The following KAZN variants were observed in gnomAD, a reference collection of about 807,000 sequenced individuals.
The protein encoded by KAZN is kazrin.
Under a neutral mutation model 87.4 loss-of-function variants are expected in KAZN, and 40 were observed. That is an observed-to-expected ratio of 0.46 (90% CI 0.36 to 0.60). The LOEUF is 0.60. KAZN is among the 20% of genes least tolerant of loss of function. KAZN has a pLI of 0.00. For missense variants in KAZN, 898 were observed against 1,073.9 expected, an observed-to-expected ratio of 0.84 and a Z score of 2.29; for synonymous variants, 466 against 458.3, an observed-to-expected ratio of 1.02 and a Z score of -0.22.
At chr1:14,862,703 T>G (rs1651008064) in intron 1 of KAZN, among the ~76,000 whole-genome samples, 1 of 152,192 alleles carries the variant, frequency 6.6e-6, no homozygotes, top group Admixed American at 6.5e-5. Context: ...CCAGCACTGA[T>G]AGTCATAGGA....
intron 1 of KAZN, among the ~76,000 whole-genome samples, chr1:13,962,454 C>T (rs1641789224): frequency 6.6e-6 from 1 of 152,182 alleles, no homozygotes; most frequent in Admixed American, 6.5e-5. Context: ...GGTGCCCTGA[C>T]ACCATGTGGG....
intron 1 of KAZN, among the ~76,000 whole-genome samples, chr1:14,670,804 C>T (rs967532804): frequency 1.3e-5 from 2 of 152,178 alleles, no homozygotes; most frequent in Non-Finnish European, 2.9e-5. Flanking sequence ...TCAGGTGACC[C>T]CTGTGCAGCT....
intron 1 of KAZN, among the ~76,000 whole-genome samples, chr1:14,047,860 T>A (rs1642142440): frequency 7.3e-6 from 1 of 137,736 alleles, no homozygotes. Context: ...AGAGTGAGAC[T>A]CGGGAAAAAG....
chr1:14,816,221 G>A (rs1310159360), intron 1 of KAZN, among the ~76,000 whole-genome samples: 4 of 151,924 alleles, frequency 2.6e-5, no homozygotes, highest in African/African-American at 9.7e-5. Context: ...TACACACTTG[G>A]TGGCCTCCAG....
At chr1:14,301,563 T>C (rs796617875) in intron 2 of KAZN, among the ~76,000 whole-genome samples, 5 of 152,336 alleles carry the variant, frequency 3.3e-5, no homozygotes, top group African/African-American at 1.2e-4. Context: ...CCCGCCTTCC[T>C]CTTTGACAAG....
chr1:14,410,587 A>G (rs1349553201), intron 2 of KAZN, among the ~76,000 whole-genome samples: 1 of 152,204 alleles, frequency 6.6e-6, no homozygotes, highest in Admixed American at 6.5e-5. Context: ...AAGGACCTTC[A>G]CAGATGTGAA....
At chr1:14,989,456 A>T (rs1667143229) in intron 2 of KAZN, among the ~76,000 whole-genome samples, 1 of 152,252 alleles carries the variant, frequency 6.6e-6, no homozygotes, top group Admixed American at 6.5e-5. Context: ...AGCCTGGGTG[A>T]CACAGCAAGC....
intron 2 of KAZN, among the ~76,000 whole-genome samples, chr1:14,365,906 C>A (rs187018589): frequency 6.6e-6 from 1 of 152,100 alleles, no homozygotes; most frequent in Non-Finnish European, 1.5e-5. Flanking sequence ...CTAATAATAA[C>A]GACTCAAAAT....
At chr1:14,253,879 C>A (rs901347456) in intron 2 of KAZN, among the ~76,000 whole-genome samples, 8 of 147,396 alleles carry the variant, frequency 5.4e-5, no homozygotes, top group Non-Finnish European at 1.0e-4. Flanking sequence ...CAGTCATTAT[C>A]AATCACTGAA....
intron 2 of KAZN, among the ~76,000 whole-genome samples, chr1:14,492,459 G>A (rs1000838339): frequency 6.6e-6 from 1 of 151,580 alleles, no homozygotes; most frequent in Non-Finnish European, 1.5e-5. Flanking sequence ...GGAAATCAAC[G>A]GGAAGAAGAT....
chr1:14,566,214 A>G (rs1674539873), intron 2 of KAZN, among the ~76,000 whole-genome samples: 1 of 152,204 alleles, frequency 6.6e-6, no homozygotes, highest in African/African-American at 2.4e-5. Context: ...AGGTATGAAA[A>G]TAGCATTAAT....
chr1:14,293,354 C>A (rs537495613), intron 2 of KAZN, among the ~76,000 whole-genome samples: 4 of 152,192 alleles, frequency 2.6e-5, no homozygotes, highest in African/African-American at 9.7e-5. Flanking sequence ...TCCCTCAGCA[C>A]GAACAGCTAA....
intron 1 of KAZN, among the ~76,000 whole-genome samples, chr1:14,802,367 G>A (rs926540036): frequency 2.0e-5 from 3 of 148,452 alleles, no homozygotes; most frequent in Admixed American, 6.8e-5. Flanking sequence ...TTGTGCCACT[G>A]TACTCTAGCC....
intron 2 of KAZN, among the ~76,000 whole-genome samples, chr1:14,504,776 A>G (rs866989044): frequency 1.3e-5 from 2 of 152,216 alleles, no homozygotes; most frequent in Non-Finnish European, 2.9e-5. Context: ...TCTGAGGTAA[A>G]GTGCTGTAGG....
chr1:14,237,798 T>C (rs886588978), intron 2 of KAZN, among the ~76,000 whole-genome samples: 2 of 152,084 alleles, frequency 1.3e-5, no homozygotes, highest in African/African-American at 4.8e-5. Context: ...ACGGACTGTA[T>C]CATGACAGTA....
intron 2 of KAZN, among the ~76,000 whole-genome samples, chr1:14,565,304 A>G (rs1379213321): frequency 3.3e-5 from 5 of 152,232 alleles, no homozygotes; most frequent in Non-Finnish European, 5.9e-5. Context: ...TTCCCAGTGC[A>G]TATAAAAGTT....
chr1:14,381,367 A>G (rs946276445), intron 2 of KAZN, among the ~76,000 whole-genome samples: 2 of 150,564 alleles, frequency 1.3e-5, no homozygotes, highest in South Asian at 4.2e-4. Flanking sequence ...AAAACCGGAC[A>G]ATCAAAAAAA....
intron 1 of KAZN, among the ~76,000 whole-genome samples, chr1:14,632,097 G>A (rs1679613169): frequency 6.6e-6 from 1 of 152,214 alleles, no homozygotes; most frequent in Non-Finnish European, 1.5e-5. Flanking sequence ...TGCAATTCCA[G>A]GTTTCTGGGG....
At chr1:14,557,635 T>TGTGG (rs1553188723) in intron 2 of KAZN, among the ~76,000 whole-genome samples, 1 of 46,778 alleles carries the variant, frequency 2.1e-5, no homozygotes. Flanking sequence ...TGTGGGTGTG[T>TGTGG]GTGTGTGTGT....
Sources: gnomAD v4.1 joint callset for allele counts (sites outside exome capture counted in the v4.1 genomes callset) on GRCh38, gnomAD v4.1.1 for gene constraint, MANE v1.5 for transcripts, NCBI Gene and HGNC (gene_info 2026-07-23, HGNC 2026-07-21) for gene names.